TMEM89: variants seen among roughly 807,000 people sequenced by gnomAD.
TMEM89 encodes the protein transmembrane protein 89.
A neutral mutation model predicts 9.3 loss-of-function variants in TMEM89; 4 were observed. That is an observed-to-expected ratio of 0.43 (90% CI 0.21 to 0.98). The LOEUF (loss-of-function observed/expected upper bound fraction) is 0.98, where lower values mean the gene tolerates loss of function less well. Ranked by LOEUF, TMEM89 falls within the 50% of genes least tolerant of loss-of-function variation. TMEM89 has a pLI of 0.27. For missense variants in TMEM89, 220 were observed against 214.7 expected, an observed-to-expected ratio of 1.02 and a Z score of -0.15; for synonymous variants, 96 against 92.5, an observed-to-expected ratio of 1.04 and a Z score of -0.21.
In TMEM89 at chr3:48,621,474, T is replaced by C. The variant is rs746098067; in HGVS notation, c.283A>G (p.Thr95Ala). ...ILQGRRRSQA[T>A]KGEHPQVTTE... ...AGAGCTGTGCTCACCTCACCCTTGGTGGCCTGTGAGCGCCGCCGCCCCTGC... is the reference window on the plus strand; with the variant it reads ...AGAGCTGTGCTCACCTCACCCTTGGCGGCCTGTGAGCGCCGCCGCCCCTGC... The change falls in exon 1 of 2, where the codon ACC becomes GCC. Residue 95 changes from threonine to alanine, a missense_variant. Coordinates refer to ENST00000330862, the MANE Select transcript of TMEM89 (RefSeq NM_001008269.3). The C allele has an allele frequency of 1.9e-6, 3 of 1,613,066 alleles. No individual in the cohort carries two copies. The South Asian group carries it at 3.3e-5, about 18-fold the overall frequency.
rs573399470 is a variant in TMEM89 at position 48,621,561 on chromosome 3, T to C, written c.196A>G (p.Ile66Val). Residue 66 changes from isoleucine to valine, a missense_variant, in exon 1 of 2, where the codon ATC becomes GTC. Physicochemically the swap from Ile to Val is conservative, Grantham distance 29. Transcript: ENST00000330862. ...GYWLGPGASR[I>V]YPVAAVMITT... ...ATCATGACCGCAGCCACGGGGTAGATGCGGCTTGCTCCAGGGCCCAGCCAG... is the reference window on the plus strand; with the variant it reads ...ATCATGACCGCAGCCACGGGGTAGACGCGGCTTGCTCCAGGGCCCAGCCAG... 5.6e-6 allele frequency: 9 copies of C among 1,613,696 alleles called. No individual in the cohort carries two copies. Among genetic ancestry groups the C allele is most frequent in the African/African-American group, 1.3e-5 (1 of 75,004 alleles).
At chr3:48,621,177 C>A in intron 1 of TMEM89, 150 bp from the exon 2 acceptor site, 1 of 871,478 alleles carries the variant, frequency 1.1e-6, no homozygotes, top group Non-Finnish European at 1.8e-6. Context: ...AGAGGATCAC[C>A]GAGGGTCTGT....
At position 48,620,798 on chromosome 3, in the gene TMEM89, G is replaced by A. The variant is rs556764122; in HGVS notation, c.*44C>T. The A allele has an allele frequency of 5.0e-6, 8 of 1,587,718 alleles. No individual in the cohort carries two copies. The South Asian group carries it at 6.7e-5, about 13-fold the overall frequency. ...GACAGGCCTGGAAAGAGCAGACCTG[G>A]CCCAGGACCTCAGGCTGTCAGGCAA... On this transcript the variant is annotated 3_prime_UTR_variant, in exon 2 of 2. Coordinates refer to ENST00000330862, the MANE Select transcript of TMEM89 (RefSeq NM_001008269.3).
At chr3:48,621,127 G>T in intron 1 of TMEM89, 100 bp from the exon 2 acceptor site, 1 of 1,245,352 alleles carries the variant, frequency 8.0e-7, no homozygotes, top group Non-Finnish European at 1.1e-6. Context: ...TAGGGTGTGG[G>T]GCAGTGCCCA....
chr3:48,621,563 C>T lies in TMEM89; in HGVS notation c.194G>A (p.Arg65His), dbSNP rs758521726. Reference sequence around the variant, plus strand: ...CATGACCGCAGCCACGGGGTAGATGCGGCTTGCTCCAGGGCCCAGCCAGTA... The same window carrying T: ...CATGACCGCAGCCACGGGGTAGATGTGGCTTGCTCCAGGGCCCAGCCAGTA... ...PGYWLGPGAS[R>H]IYPVAAVMIT... is the part of the protein sequence containing the mutation. The change falls in exon 1 of 2, where the codon CGC becomes CAC. Residue 65 changes from arginine to histidine, a missense_variant. Transcript: ENST00000330862. 1.1e-5 allele frequency: 17 copies of T among 1,613,590 alleles called. No homozygotes were observed. Among genetic ancestry groups the T allele is most frequent in the South Asian group, 2.2e-5 (2 of 91,086 alleles).
rs1399807132 is a variant in TMEM89 at position 48,621,648 on chromosome 3, G to T, written c.109C>A (p.Pro37Thr). ...ACACTCTTTGGCTGACACCCCCAGG[G>T]CTGCAAGTCCAGCCCCACCTGGTAC... is the stretch of plus-strand genomic sequence containing the variant. Reference protein sequence around the residue: ...LWYQVGLDLQPWGCQPKSVEG... With the variant: ...LWYQVGLDLQTWGCQPKSVEG... The change falls in exon 1 of 2, where the codon CCC becomes ACC. Residue 37 changes from proline to threonine, a missense_variant. By Grantham distance (38) the Pro-to-Thr change is conservative. Transcript: ENST00000330862. The T allele has an allele frequency of 6.2e-7, 1 of 1,613,872 alleles. No homozygotes were observed. Among genetic ancestry groups the T allele is most frequent in the African/African-American group, 1.3e-5 (1 of 74,918 alleles).
At chr3:48,621,324 G>T in intron 1 of TMEM89, 139 bp downstream of exon 1, 1 of 1,099,850 alleles carries the variant, frequency 9.1e-7, no homozygotes, top group Non-Finnish European at 1.3e-6. Context: ...GGGACAATGG[G>T]CTGTGAGCTG....
chr3:48,621,061 G>A (rs2046535303), intron 1 of TMEM89, 34 bp from the exon 2 acceptor site: 1 of 1,603,790 alleles, frequency 6.2e-7, no homozygotes, highest in African/African-American at 1.3e-5. Flanking sequence ...GAGTGAGAAT[G>A]GTGGGCAGAG....
intron 1 of TMEM89, 102 bp from the exon 2 acceptor site, chr3:48,621,129 C>A: frequency 8.2e-7 from 1 of 1,220,018 alleles, no homozygotes; most frequent in Non-Finnish European, 1.2e-6. Flanking sequence ...GGGTGTGGGG[C>A]AGTGCCCAGA....
chr3:48,621,430 G>A (rs2046538819), intron 1 of TMEM89, 33 bp downstream of exon 1: 4 of 1,604,096 alleles, frequency 2.5e-6, no homozygotes, highest in Non-Finnish European at 3.4e-6. Flanking sequence ...ATTGAGGCAG[G>A]GGCTGTGGGG....
rs758563260 is a variant in TMEM89, at chr3:48,621,646, G to A, written c.111C>T (p.Pro37=). Residue 37 remains proline (P), a synonymous_variant, in exon 1 of 2, where the codon CCC becomes CCT. Transcript: ENST00000330862. ...CCACACTCTTTGGCTGACACCCCCA[G>A]GGCTGCAAGTCCAGCCCCACCTGGT... ...LWYQVGLDLQ[P]WGCQPKSVEG... is the part of the protein sequence containing the mutation. 4.3e-6 allele frequency: 7 copies of A among 1,613,980 alleles called. No homozygotes were observed. The East Asian group carries it at 1.6e-4, about 36-fold the overall frequency.
chr3:48,620,821 C>G lies in TMEM89; in HGVS notation c.*21G>C, dbSNP rs768394742. The G allele has an allele frequency of 6.2e-6, 10 of 1,613,100 alleles. No individual in the cohort carries two copies. The highest frequency in any genetic ancestry group is 1.7e-4 in the Middle Eastern group (1 of 6,060). The stretch of plus-strand genomic sequence containing the variant: ...TGGCCCAGGACCTCAGGCTGTCAGG[C>G]AAAGAGAGGCACATGTTCGGTCACC... On this transcript the variant is annotated 3_prime_UTR_variant, in exon 2 of 2. Coordinates refer to ENST00000330862, the MANE Select transcript of TMEM89 (RefSeq NM_001008269.3).
chr3:48,620,795 C>G lies in TMEM89; in HGVS notation c.*47G>C, dbSNP rs774630575. ...CCAGACAGGCCTGGAAAGAGCAGAC[C>G]TGGCCCAGGACCTCAGGCTGTCAGG... On this transcript the variant is annotated 3_prime_UTR_variant, in exon 2 of 2. Coordinates refer to ENST00000330862, the MANE Select transcript of TMEM89 (RefSeq NM_001008269.3). 181 of 1,586,758 alleles carry G rather than the reference C, an allele frequency of 1.1e-4. 1 individual carries two copies. Among genetic ancestry groups the G allele is most frequent in the Non-Finnish European group, 1.5e-4 (177 of 1,156,386 alleles).
chr3:48,621,625 A>G lies in TMEM89; in HGVS notation c.132T>C (p.Ser44=). ...DLQPWGCQPK[S]VEGCRGGLSC... ...TCAGGCCACCCCTACAGCCCTCCAC[A>G]CTCTTTGGCTGACACCCCCAGGGCT... The change falls in exon 1 of 2, where the codon AGT becomes AGC. Residue 44 remains serine (S), a synonymous_variant. Coordinates refer to ENST00000330862, the MANE Select transcript of TMEM89 (RefSeq NM_001008269.3). The G allele has an allele frequency of 6.2e-7, 1 of 1,613,566 alleles. No individual in the cohort carries two copies. Among genetic ancestry groups the G allele is most frequent in the Non-Finnish European group, 8.5e-7 (1 of 1,179,902 alleles).
At chr3:48,621,238 T>C (rs1328154188) in intron 1 of TMEM89, among the ~76,000 whole-genome samples, 2 of 150,028 alleles carry the variant, frequency 1.3e-5, no homozygotes, top group Admixed American at 6.6e-5. Flanking sequence ...AGAGCAGGGG[T>C]ACTAAAGGGG....
rs116625097 is a variant in TMEM89 at position 48,621,316 on chromosome 3, G to A, written c.294+147C>T. The A allele has an allele frequency of 2.2e-3, 2,314 of 1,045,164 alleles. 43 individuals are homozygous for A. The African/African-American group carries it at 0.035, about 16-fold the overall frequency. 64.7% of individuals were successfully genotyped at this position (1,045,164 alleles called of 1,614,324 possible). The stretch of plus-strand genomic sequence containing the variant: ...TTCCACGAAGGTGTGTGGACACAGG[G>A]ACAATGGGCTGTGAGCTGGGGGTGG... On this transcript the variant is annotated intron_variant, in intron 1 of 1. Coordinates refer to ENST00000330862, the MANE Select transcript of TMEM89 (RefSeq NM_001008269.3).
intron 1 of TMEM89, 91 bp downstream of exon 1, chr3:48,621,372 C>G (rs1045018868): frequency 1.3e-6 from 2 of 1,498,834 alleles, no homozygotes; most frequent in Non-Finnish European, 1.8e-6. Context: ...CCAGTGTGGA[C>G]CCATGGGGCA....
rs201087414 is a variant in TMEM89 at position 48,621,486 on chromosome 3, G to A, written c.271C>T (p.Arg91Cys). 8.9e-5 allele frequency: 143 copies of A among 1,613,376 alleles called. No individual in the cohort carries two copies. Among genetic ancestry groups the A allele is most frequent in the East Asian group, 4.7e-4 (21 of 44,874 alleles). ...ICRKILQGRR[R>C]SQATKGEHPQ... ...ACCTCACCCTTGGTGGCCTGTGAGC[G>A]CCGCCGCCCCTGCAGTATCTTGCGG... The change falls in exon 1 of 2, where the codon CGC (arginine) becomes TGC (cysteine). Residue 91 changes from arginine to cysteine, a missense_variant. Physicochemically the swap from Arg to Cys is radical, Grantham distance 180. Transcript: ENST00000330862.
chr3:48,620,858 G>C lies in TMEM89; in HGVS notation c.464C>G (p.Ser155Cys), dbSNP rs1559460879. ...TQRQIQIKGT[S>C]TQSG Reference sequence around the variant, plus strand: ...CATGTTCGGTCACCCACTCTGGGTGGAAGTCCCCTTTATTTGGATTTGCCG... The same window carrying C: ...CATGTTCGGTCACCCACTCTGGGTGCAAGTCCCCTTTATTTGGATTTGCCG... Residue 155 changes from serine to cysteine, a missense_variant, in exon 2 of 2, where the codon TCC becomes TGC. By Grantham distance (112) the Ser-to-Cys change is moderately radical (BLOSUM62 -1). Coordinates refer to ENST00000330862, the MANE Select transcript of TMEM89 (RefSeq NM_001008269.3). The C allele has an allele frequency of 6.2e-7, 1 of 1,614,200 alleles. No individual in the cohort carries two copies. Among genetic ancestry groups the C allele is most frequent in the East Asian group, 2.2e-5 (1 of 44,886 alleles).
Sources: allele counts gnomAD v4.1 joint callset (sites outside exome capture counted in the v4.1 genomes callset), GRCh38; gene constraint gnomAD v4.1.1; transcripts MANE v1.5; gene names NCBI Gene and HGNC (gene_info 2026-07-23, HGNC 2026-07-21).